The following FUT8 variants were observed in gnomAD, a reference collection of about 807,000 sequenced individuals.
FUT8 encodes the protein alpha-(1,6)-fucosyltransferase.
A neutral mutation model predicts 71.3 loss-of-function variants in FUT8; 29 were observed. The observed-to-expected ratio is 0.41, with a 90% CI of 0.30 to 0.55. FUT8 has a LOEUF of 0.55. Ranked by LOEUF, FUT8 falls within the 20% of genes least tolerant of loss-of-function variation. The pLI is 0.34. For synonymous variants in FUT8, 254 were observed against 239.3 expected (o/e 1.06, Z -0.57); for missense variants, 544 against 702.1 (o/e 0.77, Z 2.55).
At chr14:65,356,849 G>A in the FUT8 span, among the ~76,000 whole-genome samples, 1 of 152,238 alleles carries the variant, frequency 6.6e-6, no homozygotes, top group African/African-American at 2.4e-5. The surrounding 1 kb of genome is among the most constrained non-coding windows in gnomAD (Gnocchi z 4.6). Flanking sequence ...AATGTGGAGA[G>A]AGCAGGGTAC....
At chr14:65,589,715 A>G (rs1198818321) in intron 3 of FUT8, among the ~76,000 whole-genome samples, 2 of 152,114 alleles carry the variant, frequency 1.3e-5, no homozygotes, top group Non-Finnish European at 2.9e-5. Flanking sequence ...AAGTGCTGGG[A>G]TTACAGGCCT....
At chr14:65,520,300 A>G (rs1353087507) in intron 2 of FUT8, among the ~76,000 whole-genome samples, 4 of 152,172 alleles carry the variant, frequency 2.6e-5, no homozygotes, top group Non-Finnish European at 5.9e-5. Flanking sequence ...GGATTTAGTT[A>G]TTAATAAATA....
intron 6 of FUT8, among the ~76,000 whole-genome samples, chr14:65,632,783 T>C (rs1890260479): frequency 6.6e-6 from 1 of 152,242 alleles, no homozygotes; most frequent in South Asian, 2.1e-4. Context: ...GATTATGAAA[T>C]CCTTGGCTAT....
chr14:65,438,903 A>T (rs1401011095), intron 1 of FUT8, among the ~76,000 whole-genome samples: 1 of 152,230 alleles, frequency 6.6e-6, no homozygotes, highest in Non-Finnish European at 1.5e-5. Context: ...TTAATTTTTT[A>T]AAAAGAAACT....
rs898883722 is a variant in FUT8 at position 65,603,520 on chromosome 14, A to AT, written c.204-12457dup. Among the ~76,000 whole-genome samples the AT allele has an allele frequency of 6.6e-6, 1 of 151,654 alleles. No homozygotes were observed. Among genetic ancestry groups the AT allele is most frequent in the South Asian group, 2.1e-4 (1 of 4,782 alleles). On this transcript the variant is annotated intron_variant, in intron 3 of 10. Transcript: ENST00000673929. The surrounding 1 kb of genome is among the most constrained non-coding windows in gnomAD (Gnocchi z 4.5). ...TTTTTTTCTAATTCTGTAAAGAATG[A>AT]TGGCGGTATTTTGATGGGGATTGCA...
At chr14:65,591,234 G>A (rs1887668854) in intron 3 of FUT8, among the ~76,000 whole-genome samples, 1 of 152,066 alleles carries the variant, frequency 6.6e-6, no homozygotes, top group African/African-American at 2.4e-5. Flanking sequence ...TTTACTTTTG[G>A]AGTTGGTATT....
chr14:65,631,292 C>A lies in FUT8; in HGVS notation c.597+1686C>A, dbSNP rs529151641. ...TTCGTTAAATTTTCACCAACTATAT[C>A]TGGTGATAGTTCTAAACTATGATCT... On this transcript the variant is annotated intron_variant, in intron 6 of 10. Coordinates refer to ENST00000673929, the MANE Select transcript of FUT8 (RefSeq NM_001371533.1). 1.6e-4 allele frequency among the ~76,000 whole-genome samples: 25 copies of A among 152,300 alleles called. No individual in the cohort carries two copies. In the South Asian group the frequency reaches 2.5e-3, roughly 15 times the overall value.
intron 3 of FUT8, among the ~76,000 whole-genome samples, chr14:65,573,735 T>TAA (rs202204988): frequency 5.6e-4 from 77 of 137,702 alleles, no homozygotes; most frequent in South Asian, 5.6e-3. Flanking sequence ...CCCCCATGTC[T>TAA]AAAAAAAAAA....
chr14:65,478,197 T>C (rs1353541733), intron 2 of FUT8, among the ~76,000 whole-genome samples: 1 of 152,158 alleles, frequency 6.6e-6, no homozygotes, highest in East Asian at 1.9e-4. Context: ...TCTTGTTCTT[T>C]AGGTTCTGAG....
chr14:65,436,170 C>T (rs891447989), intron 1 of FUT8, among the ~76,000 whole-genome samples: 1 of 151,946 alleles, frequency 6.6e-6, no homozygotes, highest in African/African-American at 2.4e-5. Flanking sequence ...TGAGCTGGTC[C>T]TGATGGCACA....
chr14:65,438,773 C>G (rs919326348), intron 1 of FUT8, among the ~76,000 whole-genome samples: 3 of 152,178 alleles, frequency 2.0e-5, no homozygotes, highest in Admixed American at 6.5e-5. Flanking sequence ...GCTGTTTCAT[C>G]TCTCCACTGC....
chr14:65,368,972 T>G, the FUT8 span, among the ~76,000 whole-genome samples: 19 of 152,264 alleles, frequency 1.2e-4, no homozygotes, highest in African/African-American at 4.3e-4. Flanking sequence ...AAAATTACTT[T>G]TAATGATATA....
chr14:65,691,297 G>A (rs189628523), intron 7 of FUT8, among the ~76,000 whole-genome samples: 4 of 150,796 alleles, frequency 2.7e-5, no homozygotes, highest in African/African-American at 7.5e-5. Context: ...TTAGTGTTAC[G>A]TAGGAATGGT....
intron 1 of FUT8, among the ~76,000 whole-genome samples, chr14:65,414,239 G>T (rs2065185841): frequency 6.6e-6 from 1 of 152,110 alleles, no homozygotes; most frequent in African/African-American, 2.4e-5. Flanking sequence ...TAACTGGCTT[G>T]CCTCTATGAA....
the FUT8 span, among the ~76,000 whole-genome samples, chr14:65,365,925 C>T: frequency 1.5e-4 from 23 of 152,030 alleles, no homozygotes; most frequent in African/African-American, 5.6e-4. Context: ...GCAGGCTCTG[C>T]CTCCTGGGTT....
At chr14:65,514,948 G>A (rs999624495) in intron 2 of FUT8, among the ~76,000 whole-genome samples, 1 of 151,022 alleles carries the variant, frequency 6.6e-6, no homozygotes, top group Non-Finnish European at 1.5e-5. Flanking sequence ...TCTTTGGCAT[G>A]CAACTTTGTG....
At chr14:65,736,773 T>G (rs1273634289) in intron 10 of FUT8, among the ~76,000 whole-genome samples, 4 of 152,020 alleles carry the variant, frequency 2.6e-5, no homozygotes, top group African/African-American at 9.7e-5. Flanking sequence ...CAGCCCAGAA[T>G]AAAAACATGG....
intron 1 of FUT8, among the ~76,000 whole-genome samples, chr14:65,432,578 A>G (rs189237695): frequency 4.6e-5 from 7 of 152,266 alleles, no homozygotes; most frequent in Middle Eastern, 3.4e-3. Context: ...CTGCATTCCC[A>G]GACAGTTAAG....
chr14:65,669,971 G>A lies in FUT8; in HGVS notation c.835+491G>A, dbSNP rs1247225937. Among the ~76,000 whole-genome samples the A allele has an allele frequency of 6.6e-6, 1 of 152,158 alleles. No homozygotes were observed. The highest frequency in any genetic ancestry group is 1.5e-5 in the Non-Finnish European group (1 of 68,020). ...ATATCTGACAAAAGTTTTAGGTTTA[G>A]GGACCGTGCTTTGAGAACCACTGAG... On this transcript the variant is annotated intron_variant, in intron 7 of 10. Coordinates refer to ENST00000673929, the MANE Select transcript of FUT8 (RefSeq NM_001371533.1). The surrounding 1 kb of genome is among the most constrained non-coding windows in gnomAD (Gnocchi z 4.5).
Sources: gnomAD v4.1 joint callset for allele counts (sites outside exome capture counted in the v4.1 genomes callset) on GRCh38, gnomAD v4.1.1 for gene constraint, Gnocchi (gnomAD v3.1) non-coding constraint, MANE v1.5 for transcripts, NCBI Gene and HGNC (gene_info 2026-07-23, HGNC 2026-07-21) for gene names.